The following BAIAP2L1 variants were observed in gnomAD, a reference collection of about 807,000 sequenced individuals.
The protein encoded by BAIAP2L1 is BAR/IMD domain-containing adapter protein 2-like 1.
BAIAP2L1 carries 35 observed loss-of-function variants against 66.3 expected under a neutral mutation model. The ratio of observed to expected loss-of-function variants is 0.53; its 90% CI spans 0.40 to 0.70. The LOEUF (loss-of-function observed/expected upper bound fraction) is 0.70. BAIAP2L1 is among the 30% of genes least tolerant of loss of function. BAIAP2L1 has a pLI of 0.00. For synonymous variants in BAIAP2L1, 269 were observed against 248.7 expected (o/e 1.08, Z -0.77); for missense variants, 622 against 656.9 (o/e 0.95, Z 0.58).
intron 1 of BAIAP2L1, among the ~76,000 whole-genome samples, chr7:98,389,280 A>AC (rs961133596): frequency 7.9e-5 from 12 of 151,612 alleles, no homozygotes; most frequent in African/African-American, 2.9e-4. Context: ...ACCTATTCCA[A>AC]CCCCTACCCC....
chr7:98,334,678 A>T (rs1302485025), intron 3 of BAIAP2L1, among the ~76,000 whole-genome samples: 1 of 151,758 alleles, frequency 6.6e-6, no homozygotes, highest in Non-Finnish European at 1.5e-5. Context: ...AGTAGCTGGG[A>T]CTGACTATAG....
chr7:98,360,084 G>A (rs781750999), intron 2 of BAIAP2L1, among the ~76,000 whole-genome samples: 8 of 151,712 alleles, frequency 5.3e-5, no homozygotes, highest in African/African-American at 1.5e-4. Context: ...CACCACTCCC[G>A]GCTAAATTTT....
chr7:98,296,733 C>G (rs1051546894), intron 12 of BAIAP2L1, among the ~76,000 whole-genome samples: 3 of 152,256 alleles, frequency 2.0e-5, no homozygotes, highest in Non-Finnish European at 2.9e-5. Context: ...TCTCAGGGAC[C>G]TGAAACCCCA....
At chr7:98,314,626 C>A (rs1052124101) in intron 7 of BAIAP2L1, among the ~76,000 whole-genome samples, 1 of 152,176 alleles carries the variant, frequency 6.6e-6, no homozygotes, top group Non-Finnish European at 1.5e-5. Context: ...GTTGAATAAA[C>A]CAGGAACCAA....
chr7:98,366,179 C>T (rs149978573), intron 1 of BAIAP2L1, among the ~76,000 whole-genome samples: 6 of 152,134 alleles, frequency 3.9e-5, no homozygotes, highest in African/African-American at 9.6e-5. Context: ...GGAAGGGGGC[C>T]GGGACTGGAC....
chr7:98,320,003 A>G, intron 5 of BAIAP2L1, 55 bp downstream of exon 5: 3 of 1,446,140 alleles, frequency 2.1e-6, no homozygotes, highest in Non-Finnish European at 2.9e-6. Context: ...AGTTCTCCCC[A>G]GGCTGGGAGG....
At chr7:98,324,075 A>C (rs543495677) in intron 3 of BAIAP2L1, among the ~76,000 whole-genome samples, 1 of 152,102 alleles carries the variant, frequency 6.6e-6, no homozygotes, top group South Asian at 2.1e-4. Context: ...GACTCAGAAG[A>C]AGCAAAGCTA....
chr7:98,360,592 C>A lies in BAIAP2L1; in HGVS notation c.127+1765G>T, dbSNP rs575240952. On this transcript the variant is annotated intron_variant, in intron 2 of 13. Transcript: ENST00000005260. ...CTAAGCTGTAGGCAGCTCACTGGCT[C>A]ACCTTGTAAAACTCTGCAGCTCATG... is the stretch of plus-strand genomic sequence containing the variant. Among the ~76,000 whole-genome samples the A allele has an allele frequency of 4.0e-5, 6 of 151,006 alleles. No homozygotes were observed. In the East Asian group the frequency reaches 9.7e-4, roughly 25 times the overall value.
chr7:98,376,067 A>C (rs922384382), intron 1 of BAIAP2L1, among the ~76,000 whole-genome samples: 1 of 152,116 alleles, frequency 6.6e-6, no homozygotes, highest in Non-Finnish European at 1.5e-5. Flanking sequence ...CTTACATCTT[A>C]TTTCTTTATT....
Position 98,312,166 on chromosome 7 carries a change from T to C in BAIAP2L1, c.738A>G (p.Ile246Met). The change falls in exon 8 of 14, where the codon ATA (isoleucine) becomes ATG (methionine). Residue 246 changes from isoleucine (I) to methionine (M), a missense_variant. By Grantham distance (10) the Ile-to-Met change is conservative. Coordinates refer to ENST00000005260, the MANE Select transcript of BAIAP2L1 (RefSeq NM_018842.5). ...ACACGGGGGTAGAGGCTGGGGTCTT[T>C]ATTTCTTCGATCATATTCATGATTT... The part of the protein sequence containing the change: ...PEKIMNMIEE[I>M]KTPASTPVSG... 2 of 1,614,102 alleles carry C rather than the reference T, an allele frequency of 1.2e-6. No individual in the cohort carries two copies. The highest frequency in any genetic ancestry group is 2.2e-5 in the South Asian group (2 of 91,070).
intron 1 of BAIAP2L1, among the ~76,000 whole-genome samples, chr7:98,378,250 G>A (rs1439409797): frequency 6.6e-6 from 1 of 152,024 alleles, no homozygotes; most frequent in Non-Finnish European, 1.5e-5. Flanking sequence ...AGCTAAGCAT[G>A]GGGAGAGAAA....
At chr7:98,350,026 A>G (rs1202513505) in intron 3 of BAIAP2L1, among the ~76,000 whole-genome samples, 2 of 151,850 alleles carry the variant, frequency 1.3e-5, no homozygotes, top group Non-Finnish European at 2.9e-5. Flanking sequence ...CTGAGGTAGG[A>G]GGATGGCTTG....
intron 1 of BAIAP2L1, among the ~76,000 whole-genome samples, chr7:98,380,181 G>A (rs556880397): frequency 4.0e-5 from 6 of 151,296 alleles, no homozygotes; most frequent in African/African-American, 1.2e-4. Flanking sequence ...AGACTCAAGC[G>A]ATCCTTCTGC....
chr7:98,331,143 T>C (rs1041427612), intron 3 of BAIAP2L1, among the ~76,000 whole-genome samples: 1 of 152,102 alleles, frequency 6.6e-6, no homozygotes, highest in Non-Finnish European at 1.5e-5. Flanking sequence ...AAGGGAAGAA[T>C]GAATGAGCTT....
At chr7:98,336,371 T>G (rs1447033303) in intron 3 of BAIAP2L1, among the ~76,000 whole-genome samples, 1 of 152,114 alleles carries the variant, frequency 6.6e-6, no homozygotes, top group Non-Finnish European at 1.5e-5. Context: ...CCCAGCACTT[T>G]GGGAGGCCGA....
At position 98,315,518 on chromosome 7, in the gene BAIAP2L1, C is replaced by G. The variant is rs760555411; in HGVS notation, c.581G>C (p.Cys194Ser). The G allele has an allele frequency of 1.3e-6, 2 of 1,523,074 alleles. No homozygotes were observed. The allele number at this position is 1,523,074 out of a possible 1,614,324, so 94.3% of individuals were successfully genotyped here. ...EALLEEKRRF[C>S]FLVDKHCGFA... ...GCCACAGTGCTTATCAACCAGAAAG[C>G]AGAAGCGCCTCTTCTCTTCAAGCAG... Residue 194 changes from cysteine (C) to serine (S), a missense_variant, in exon 7 of 14, where the codon TGC becomes TCC. Coordinates refer to ENST00000005260, the MANE Select transcript of BAIAP2L1 (RefSeq NM_018842.5).
At chr7:98,293,821 C>T (rs1800069102) in intron 13 of BAIAP2L1, among the ~76,000 whole-genome samples, 2 of 152,230 alleles carry the variant, frequency 1.3e-5, no homozygotes, top group South Asian at 2.1e-4. Flanking sequence ...GCGTTCTGGA[C>T]GTGGGCACCC....
intron 3 of BAIAP2L1, among the ~76,000 whole-genome samples, chr7:98,347,777 C>CATA (rs1801906909): frequency 7.2e-6 from 1 of 137,992 alleles, no homozygotes; most frequent in Non-Finnish European, 1.6e-5. Flanking sequence ...AACAATGTCT[C>CATA]AAAAAAAAAA....
intron 1 of BAIAP2L1, among the ~76,000 whole-genome samples, chr7:98,379,814 C>T (rs1802715216): frequency 6.6e-6 from 1 of 152,082 alleles, no homozygotes; most frequent in African/African-American, 2.4e-5. Context: ...TCACAAAAGA[C>T]CAAATACTGT....
Sources: gnomAD v4.1 joint callset for allele counts (sites outside exome capture counted in the v4.1 genomes callset) on GRCh38, gnomAD v4.1.1 for gene constraint, MANE v1.5 for transcripts, NCBI Gene and HGNC (gene_info 2026-07-23, HGNC 2026-07-21) for gene names.